INVS: variants seen among roughly 807,000 people sequenced by gnomAD.
INVS encodes inversion of embryo turning homolog.
INVS carries 86 observed loss-of-function variants against 108.8 expected under a neutral mutation model. The ratio of observed to expected loss-of-function variants is 0.79; its 90% CI spans 0.66 to 0.95. The LOEUF (loss-of-function observed/expected upper bound fraction) is 0.95. Among genes scored for constraint, INVS ranks in the 40% least tolerant of loss-of-function variants. The pLI is 0.00. For synonymous variants in INVS, 455 were observed against 473.5 expected (o/e 0.96, Z 0.51); for missense variants, 1,169 against 1,297.4 (o/e 0.90, Z 1.52).
chr9:100,119,721 C>T (rs148920649), intron 2 of INVS, among the ~76,000 whole-genome samples: 1,655 of 152,304 alleles, frequency 0.011, 14 homozygotes, highest in Non-Finnish European at 0.018. Flanking sequence ...CCACACCTGG[C>T]TGATTTTTTT....
intron 3 of INVS, among the ~76,000 whole-genome samples, chr9:100,158,167 T>C (rs1829062865): frequency 1.3e-5 from 2 of 152,228 alleles, no homozygotes; most frequent in Non-Finnish European, 2.9e-5. Flanking sequence ...ATCTATCTTG[T>C]TTATATTCTC....
chr9:100,264,241 T>A (rs1205542788), intron 10 of INVS, among the ~76,000 whole-genome samples: 1 of 152,226 alleles, frequency 6.6e-6, no homozygotes, highest in African/African-American at 2.4e-5. Flanking sequence ...GATTCAGGTT[T>A]CACATTTTTG....
At chr9:100,253,566 TC>T (rs1352612293) in intron 10 of INVS, among the ~76,000 whole-genome samples, 1 of 151,988 alleles carries the variant, frequency 6.6e-6, no homozygotes, top group Non-Finnish European at 1.5e-5. Context: ...CCTCCCTGCT[TC>T]CCCCATCCCA....
At chr9:100,151,645 C>T (rs924478469) in intron 3 of INVS, among the ~76,000 whole-genome samples, 2 of 152,108 alleles carry the variant, frequency 1.3e-5, no homozygotes, top group African/African-American at 2.4e-5. Context: ...TGAGGAAAGA[C>T]GTGACATGGT....
intron 3 of INVS, among the ~76,000 whole-genome samples, chr9:100,133,940 T>A (rs1237892275): frequency 6.6e-6 from 1 of 152,202 alleles, no homozygotes; most frequent in East Asian, 1.9e-4. Context: ...TTCCTTTTTT[T>A]AACTTCTATT....
intron 3 of INVS, chr9:100,130,161 C>T (rs1262382387): frequency 6.5e-6 from 1 of 152,734 alleles, no homozygotes; most frequent in Non-Finnish European, 1.5e-5. Flanking sequence ...ATATGGATAA[C>T]TAATTTTCCC....
At chr9:100,150,334 C>T (rs1195713168) in intron 3 of INVS, among the ~76,000 whole-genome samples, 2 of 152,104 alleles carry the variant, frequency 1.3e-5, no homozygotes, top group Non-Finnish European at 2.9e-5. Flanking sequence ...CATGAAAATA[C>T]AAGCATCTGC....
At chr9:100,268,031 C>T (rs919548496) in intron 11 of INVS, among the ~76,000 whole-genome samples, 2 of 152,028 alleles carry the variant, frequency 1.3e-5, no homozygotes, top group African/African-American at 2.4e-5. Flanking sequence ...AAAGTGGTCC[C>T]GATCCCGACC....
At chr9:100,139,174 T>C (rs1276252112) in intron 3 of INVS, among the ~76,000 whole-genome samples, 1 of 152,220 alleles carries the variant, frequency 6.6e-6, no homozygotes, top group Admixed American at 6.5e-5. Context: ...TGACCTAATT[T>C]ACCTAGGCTT....
intron 3 of INVS, among the ~76,000 whole-genome samples, chr9:100,221,305 A>ATTTT (rs67905235): frequency 6.9e-6 from 1 of 145,424 alleles, no homozygotes; most frequent in Non-Finnish European, 1.5e-5. Flanking sequence ...ATACAGGACA[A>ATTTT]TTTTTTTTTT....
At chr9:100,187,002 C>T (rs1478075952) in intron 3 of INVS, among the ~76,000 whole-genome samples, 1 of 151,966 alleles carries the variant, frequency 6.6e-6, no homozygotes, top group African/African-American at 2.4e-5. Flanking sequence ...TCTTAGATTT[C>T]AGTCATTCAT....
At chr9:100,267,975 AT>A (rs1832843000) in intron 11 of INVS, among the ~76,000 whole-genome samples, 1 of 152,140 alleles carries the variant, frequency 6.6e-6, no homozygotes, top group Non-Finnish European at 1.5e-5. Context: ...TGCCCATATT[AT>A]TTACTGATGA....
At position 100,229,665 on chromosome 9, in the gene INVS, A is replaced by G. The variant is rs1474279539; in HGVS notation, c.453A>G (p.Thr151=). 1 of 1,614,026 alleles carries G rather than the reference A, an allele frequency of 6.2e-7. No individual in the cohort carries two copies. The highest frequency in any genetic ancestry group is 8.5e-7 in the Non-Finnish European group (1 of 1,179,916). Residue 151 remains threonine, a synonymous_variant, in exon 5 of 17, where the codon ACA becomes ACG. Transcript: ENST00000262457. ...AGAACCTCTCGATTTTGCAGCAAAC[A>G]GCTCTGCATTGGAGTGCCTACTACA... ...EVDTQDKNKQ[T]ALHWSAYYNN... is the part of the protein sequence containing the mutation.
chr9:100,194,792 C>T (rs1000896660), intron 3 of INVS, among the ~76,000 whole-genome samples: 1 of 152,040 alleles, frequency 6.6e-6, no homozygotes, highest in African/African-American at 2.4e-5. Flanking sequence ...GGAGAGTATC[C>T]AAGGGAGGAG....
At chr9:100,288,599 C>T (rs1833517612) in intron 13 of INVS, among the ~76,000 whole-genome samples, 1 of 150,702 alleles carries the variant, frequency 6.6e-6, no homozygotes, top group African/African-American at 2.4e-5. Flanking sequence ...ATTTTTGAGT[C>T]TTAATAAAGG....
intron 2 of INVS, among the ~76,000 whole-genome samples, chr9:100,113,657 A>G (rs1457939411): frequency 6.6e-6 from 1 of 152,040 alleles, no homozygotes; most frequent in Non-Finnish European, 1.5e-5. Flanking sequence ...GTTATAATAC[A>G]TGTATAGATT....
chr9:100,214,186 A>G (rs1386046178), intron 3 of INVS, among the ~76,000 whole-genome samples: 3 of 152,228 alleles, frequency 2.0e-5, no homozygotes, highest in Admixed American at 6.5e-5. Context: ...TCAACTGTGA[A>G]TAAGCCCCAG....
intron 8 of INVS, among the ~76,000 whole-genome samples, chr9:100,251,371 A>T (rs971771813): frequency 6.6e-6 from 1 of 152,242 alleles, no homozygotes; most frequent in Admixed American, 6.5e-5. Flanking sequence ...CAAGGCCTCT[A>T]AAGTGTTATT....
chr9:100,180,821 A>G (rs540675438), intron 3 of INVS, among the ~76,000 whole-genome samples: 46 of 152,308 alleles, frequency 3.0e-4, no homozygotes, highest in Middle Eastern at 6.8e-3. Context: ...GCAGAGACAC[A>G]ACAAAAAAAG....
Sources: gnomAD v4.1 joint callset for allele counts (sites outside exome capture counted in the v4.1 genomes callset) on GRCh38, gnomAD v4.1.1 for gene constraint, MANE v1.5 for transcripts, NCBI Gene and HGNC (gene_info 2026-07-23, HGNC 2026-07-21) for gene names.